MLLT10: variants seen among roughly 807,000 people sequenced by gnomAD.
MLLT10 encodes MLLT10 histone lysine methyltransferase DOT1L cofactor, also known as protein AF-10.
MLLT10 carries 30 observed loss-of-function variants against 129.1 expected under a neutral mutation model. The ratio of observed to expected loss-of-function variants is 0.23; its 90% CI spans 0.17 to 0.32. The LOEUF is 0.32. MLLT10 is among the 10% of genes least tolerant of loss of function. The pLI, the probability that MLLT10 is intolerant of heterozygous loss-of-function variation, is 1.00. For missense variants in MLLT10, 1,119 were observed against 1,268.3 expected, an observed-to-expected ratio of 0.88 and a Z score of 1.79; for synonymous variants, 490 against 446.4, an observed-to-expected ratio of 1.10 and a Z score of -1.23.
rs184632922 is a variant in MLLT10, at chr10:21,678,400, G to A, written c.1622-2932G>A. 5.3e-5 allele frequency among the ~76,000 whole-genome samples: 8 copies of A among 152,298 alleles called. No homozygotes were observed. In the East Asian group the frequency reaches 1.5e-3, roughly 29 times the overall value. On this transcript the variant is annotated intron_variant, in intron 11 of 22. Coordinates refer to ENST00000307729, the MANE Select transcript of MLLT10 (RefSeq NM_001195626.3). The stretch of plus-strand genomic sequence containing the variant: ...TTACAGGTGTGAGCCACTGGGCCCA[G>A]CTATTTTTAAAGCTTTTCATGTAGT...
At chr10:21,640,339 A>AAT (rs956553982) in intron 8 of MLLT10, among the ~76,000 whole-genome samples, 2 of 146,220 alleles carry the variant, frequency 1.4e-5, no homozygotes, top group African/African-American at 5.0e-5. Context: ...TATTACATAA[A>AAT]ATATATATAC....
chr10:21,674,722 A>T (rs1286517075), intron 11 of MLLT10, among the ~76,000 whole-genome samples: 1 of 152,206 alleles, frequency 6.6e-6, no homozygotes, highest in Non-Finnish European at 1.5e-5. Context: ...TGAATTTAAG[A>T]TAAATGGTTT....
intron 3 of MLLT10, among the ~76,000 whole-genome samples, chr10:21,570,229 TGTGTGTGC>T (rs2040055911): frequency 6.6e-6 from 1 of 151,462 alleles, no homozygotes; most frequent in Non-Finnish European, 1.5e-5. Context: ...TGTGTGTGTG[TGTGTGTGC>T]GCGCGTGTGT....
At chr10:21,708,804 A>G in intron 13 of MLLT10, 3 of 910,582 alleles carry the variant, frequency 3.3e-6, no homozygotes, top group Non-Finnish European at 3.9e-6. Flanking sequence ...AGTGTAGTAG[A>G]GACATTAGAG....
At chr10:21,687,487 T>C (rs1228276888) in intron 13 of MLLT10, among the ~76,000 whole-genome samples, 1 of 152,216 alleles carries the variant, frequency 6.6e-6, no homozygotes, top group Non-Finnish European at 1.5e-5. Flanking sequence ...AGATTGAGAA[T>C]CTAGCTCATT....
intron 8 of MLLT10, chr10:21,626,328 T>C: frequency 1.2e-6 from 1 of 865,182 alleles, no homozygotes. Context: ...TGAGAACCAG[T>C]GCAAGGCATT....
intron 14 of MLLT10, 71 bp from the exon 15 acceptor site, chr10:21,726,173 C>G (rs539352358): frequency 1.0e-6 from 1 of 999,112 alleles, no homozygotes; most frequent in African/African-American, 1.7e-5. Context: ...ATTACTAGAT[C>G]TATTAGAAGG....
intron 4 of MLLT10, among the ~76,000 whole-genome samples, chr10:21,591,634 T>C (rs1170187793): frequency 2.0e-5 from 3 of 152,206 alleles, no homozygotes; most frequent in Non-Finnish European, 2.9e-5. Flanking sequence ...TATATATATA[T>C]ACACAAGTAT....
At position 21,735,193 on chromosome 10, in the gene MLLT10, A is replaced by T; in HGVS notation, c.2913A>T (p.Gln971His). The T allele has an allele frequency of 6.2e-7, 1 of 1,614,004 alleles. No homozygotes were observed. The highest frequency in any genetic ancestry group is 8.5e-7 in the Non-Finnish European group (1 of 1,180,000). The change falls in exon 21 of 23, where the codon CAA (glutamine) becomes CAT (histidine). Residue 971 changes from glutamine (Q) to histidine (H), a missense_variant. By Grantham distance (24) the Gln-to-His change is conservative. Transcript: ENST00000307729. ...AGCAACGACAAATACTTATTCATCA[A>T]CAGCAGTTTCAGCAGTTGTTAAATT... is the stretch of plus-strand genomic sequence containing the variant. Reference protein sequence around the residue: ...SDQQRQILIHQQQFQQLLNSQ... With the variant: ...SDQQRQILIHHQQFQQLLNSQ...
At chr10:21,705,199 A>G (rs567542719) in intron 13 of MLLT10, among the ~76,000 whole-genome samples, 1 of 152,302 alleles carries the variant, frequency 6.6e-6, no homozygotes, top group South Asian at 2.1e-4. Context: ...GGTGGTGGCT[A>G]CAGTGGACTG....
chr10:21,606,437 T>C (rs1465943641), intron 5 of MLLT10, among the ~76,000 whole-genome samples: 1 of 152,224 alleles, frequency 6.6e-6, no homozygotes, highest in Non-Finnish European at 1.5e-5. Context: ...ATTCCTCTGA[T>C]GGATCTGGGC....
At chr10:21,737,981 A>G (rs533912218) in intron 21 of MLLT10, among the ~76,000 whole-genome samples, 1 of 152,282 alleles carries the variant, frequency 6.6e-6, no homozygotes, top group South Asian at 2.1e-4. Context: ...ATAAATTCTT[A>G]AATGCTGGCC....
chr10:21,620,611 C>T (rs915166450), intron 8 of MLLT10, among the ~76,000 whole-genome samples: 9 of 152,136 alleles, frequency 5.9e-5, no homozygotes, highest in Non-Finnish European at 1.2e-4. Flanking sequence ...CATTGAACCA[C>T]TTTCTTTCTG....
chr10:21,563,670 C>G (rs955388374), intron 3 of MLLT10, among the ~76,000 whole-genome samples: 2 of 152,038 alleles, frequency 1.3e-5, no homozygotes, highest in South Asian at 2.1e-4. Context: ...AAGATAATCT[C>G]AGTTATTTCC....
At chr10:21,560,305 G>A (rs2038642750) in intron 3 of MLLT10, among the ~76,000 whole-genome samples, 1 of 152,128 alleles carries the variant, frequency 6.6e-6, no homozygotes, top group Admixed American at 6.5e-5. Context: ...GGCCTGTTTG[G>A]CCTTTTGAGG....
chr10:21,683,220 G>C (rs1402013649), intron 13 of MLLT10, among the ~76,000 whole-genome samples: 1 of 152,108 alleles, frequency 6.6e-6, no homozygotes, highest in Non-Finnish European at 1.5e-5. Flanking sequence ...GTTAGGGTGG[G>C]AGTCTTATCT....
At chr10:21,563,625 T>C (rs898404889) in intron 3 of MLLT10, among the ~76,000 whole-genome samples, 5 of 152,148 alleles carry the variant, frequency 3.3e-5, no homozygotes, top group African/African-American at 1.2e-4. Flanking sequence ...TTTGTTACAG[T>C]TAAACTGCGT....
chr10:21,541,929 A>G (rs915912292), intron 3 of MLLT10, among the ~76,000 whole-genome samples: 2 of 152,240 alleles, frequency 1.3e-5, no homozygotes, highest in Non-Finnish European at 1.5e-5. Flanking sequence ...AAAATCAATC[A>G]TAGAAAGTTT....
chr10:21,664,944 C>CTTTTTT (rs146373535), intron 9 of MLLT10, among the ~76,000 whole-genome samples: 123 of 119,370 alleles, frequency 1.0e-3, no homozygotes, highest in Non-Finnish European at 1.5e-3. Flanking sequence ...TTTTTCTTTT[C>CTTTTTT]TTTTTTTTTT....
Sources: allele counts gnomAD v4.1 joint callset (sites outside exome capture counted in the v4.1 genomes callset), GRCh38; gene constraint gnomAD v4.1.1; transcripts MANE v1.5; gene names NCBI Gene and HGNC (gene_info 2026-07-23, HGNC 2026-07-21).